Variants in NOSTRIN observed in about 807,000 individuals in gnomAD.
The protein encoded by NOSTRIN is BM247 homolog.
In NOSTRIN, 63 loss-of-function variants were observed where a neutral mutation model predicts 59.0. The ratio of observed to expected loss-of-function variants is 1.07; its 90% CI spans 0.87 to 1.32. The LOEUF (loss-of-function observed/expected upper bound fraction) is 1.32. Among genes scored for constraint, NOSTRIN ranks in the 40% most tolerant of loss-of-function variants. NOSTRIN has a pLI of 0.00. For synonymous variants in NOSTRIN, 200 were observed against 165.4 expected, an observed-to-expected ratio of 1.21 and a Z score of -1.61; for missense variants, 512 against 473.1, an observed-to-expected ratio of 1.08 and a Z score of -0.76.
intron 5 of NOSTRIN, among the ~76,000 whole-genome samples, chr2:168,828,766 C>T (rs1676616234): frequency 6.6e-6 from 1 of 152,018 alleles, no homozygotes; most frequent in South Asian, 2.1e-4. Flanking sequence ...GTGATAAATT[C>T]AAGCAATAGA....
intron 7 of NOSTRIN, among the ~76,000 whole-genome samples, 182 bp downstream of exon 7, chr2:168,834,507 G>GCACGCACACACACACACA: frequency 8.0e-6 from 1 of 125,434 alleles, no homozygotes; most frequent in East Asian, 2.4e-4. Context: ...GCGCGCGCGC[G>GCACGCACACACACACACA]CACACACACA....
intron 2 of NOSTRIN, among the ~76,000 whole-genome samples, chr2:168,821,859 C>A (rs1384107793): frequency 6.6e-6 from 1 of 152,242 alleles, no homozygotes; most frequent in Admixed American, 6.5e-5. Flanking sequence ...ATCGGAGAGG[C>A]TGCCGGAGTC....
At chr2:168,814,060 C>CT (rs1686281148) in intron 2 of NOSTRIN, among the ~76,000 whole-genome samples, 1 of 152,146 alleles carries the variant, frequency 6.6e-6, no homozygotes. Context: ...AAAGAGATGG[C>CT]ATTTGGGGAG....
chr2:168,859,657 G>C lies in NOSTRIN; in HGVS notation c.1179+20G>C. On this transcript the variant is annotated intron_variant, in intron 13 of 15. Coordinates refer to ENST00000317647, the MANE Select transcript of NOSTRIN (RefSeq NM_001039724.4). Reference sequence around the variant, plus strand: ...GAAAAGGTAACATTTAAGGAGACTGGTTGTAATTTCTTGATTGGGCCTGCT... The same window carrying C: ...GAAAAGGTAACATTTAAGGAGACTGCTTGTAATTTCTTGATTGGGCCTGCT... 1 of 1,611,936 alleles carries C rather than the reference G, an allele frequency of 6.2e-7. No individual in the cohort carries two copies. The highest frequency in any genetic ancestry group is 8.5e-7 in the Non-Finnish European group (1 of 1,179,096).
intron 15 of NOSTRIN, chr2:168,863,712 CA>C: frequency 1.1e-6 from 1 of 915,152 alleles, no homozygotes; most frequent in Non-Finnish European, 1.3e-6. Context: ...AGGGATAATG[CA>C]GAGACATTGT....
chr2:168,834,499 G>GCACA (rs1352968254), intron 7 of NOSTRIN, among the ~76,000 whole-genome samples, 174 bp downstream of exon 7: 7 of 28,570 alleles, frequency 2.5e-4, no homozygotes, highest in Admixed American at 1.4e-3. Flanking sequence ...GTGCGCGCGC[G>GCACA]CGCGCGCGCA....
In NOSTRIN at chr2:168,828,568, A is replaced by G. The variant is rs530775558; in HGVS notation, c.342+67A>G. The G allele has an allele frequency of 1.2e-4, 77 of 631,808 alleles. No individual in the cohort carries two copies. The African/African-American group carries it at 1.3e-3, about 11-fold the overall frequency. 39.1% of individuals were successfully genotyped at this position (631,808 alleles called of 1,614,324 possible). A position where few individuals can be genotyped will look rare whatever the true frequency, so the allele number is the denominator to read the frequency against. On this transcript the variant is annotated intron_variant, in intron 5 of 15. Transcript: ENST00000317647. Reference sequence around the variant, plus strand: ...ATTCCTGTGTTTAGCCCAGAAAAGGAAAAGGTGATCTGAAAGTGGTACCAA... The same window carrying G: ...ATTCCTGTGTTTAGCCCAGAAAAGGGAAAGGTGATCTGAAAGTGGTACCAA...
chr2:168,846,801 A>G (rs1474186772), intron 8 of NOSTRIN, among the ~76,000 whole-genome samples: 1 of 152,250 alleles, frequency 6.6e-6, no homozygotes. Flanking sequence ...CCCAGAACAC[A>G]GAAAATGATT....
rs757832201 is a variant in NOSTRIN, at chr2:168,864,895, G to GA, written c.1452dup (p.Gly485ArgfsTer57). The GA allele has an allele frequency of 3.5e-5, 57 of 1,613,744 alleles. No individual in the cohort carries two copies. The highest frequency in any genetic ancestry group is 4.6e-5 in the Non-Finnish European group (54 of 1,179,902). On this transcript the variant is annotated frameshift_variant, in exon 16 of 16. Transcript: ENST00000317647. LOFTEE classifies it high-confidence loss of function. ...GATGGTGGTTTGGATCTTTGAATGG[G>GA]AAAAAAGGCCATTTTCCTGCCGCTT... is the stretch of plus-strand genomic sequence containing the variant.
chr2:168,850,364 G>A (rs1453761049), intron 8 of NOSTRIN, among the ~76,000 whole-genome samples: 1 of 152,162 alleles, frequency 6.6e-6, no homozygotes, highest in Non-Finnish European at 1.5e-5. Flanking sequence ...AGCGGACTCT[G>A]ACTCCCAGGC....
chr2:168,820,497 T>C (rs1369702930), intron 2 of NOSTRIN, among the ~76,000 whole-genome samples: 2 of 152,172 alleles, frequency 1.3e-5, no homozygotes, highest in Non-Finnish European at 1.5e-5. Flanking sequence ...GACCACTGTC[T>C]GGACAGTCTC....
At chr2:168,812,548 G>A (rs1173372154) in intron 2 of NOSTRIN, among the ~76,000 whole-genome samples, 1 of 152,164 alleles carries the variant, frequency 6.6e-6, no homozygotes, top group Non-Finnish European at 1.5e-5. Flanking sequence ...ACATGGGAGA[G>A]GCCTTAGTTC....
chr2:168,854,880 T>C (rs1688984621), intron 10 of NOSTRIN, among the ~76,000 whole-genome samples: 2 of 152,314 alleles, frequency 1.3e-5, no homozygotes, highest in Non-Finnish European at 2.9e-5. Flanking sequence ...GGAAAGAGCA[T>C]ATGTGTTTTA....
At chr2:168,806,619 C>T (rs1419868986) in intron 1 of NOSTRIN, among the ~76,000 whole-genome samples, 1 of 152,022 alleles carries the variant, frequency 6.6e-6, no homozygotes, top group African/African-American at 2.4e-5. Context: ...CCAGGTATTC[C>T]ACTACCAGAC....
chr2:168,812,847 G>C (rs982106082), intron 2 of NOSTRIN, among the ~76,000 whole-genome samples: 1 of 152,118 alleles, frequency 6.6e-6, no homozygotes, highest in African/African-American at 2.4e-5. Flanking sequence ...TCAACAACCC[G>C]CAGCATTTTT....
At chr2:168,863,548 C>CTCTT (rs1419785039) in intron 15 of NOSTRIN, 6 of 985,132 alleles carry the variant, frequency 6.1e-6, no homozygotes, top group Non-Finnish European at 7.2e-6. Flanking sequence ...CTATGGAATT[C>CTCTT]TCTTTATTTG....
chr2:168,791,318 G>T (rs951922731), intron 2 of NOSTRIN, among the ~76,000 whole-genome samples: 5 of 152,164 alleles, frequency 3.3e-5, no homozygotes, highest in African/African-American at 1.2e-4. Context: ...TAAAGGACAT[G>T]AACTCATCCC....
intron 12 of NOSTRIN, among the ~76,000 whole-genome samples, chr2:168,857,035 T>G (rs1316524354): frequency 6.6e-6 from 1 of 152,196 alleles, no homozygotes; most frequent in East Asian, 1.9e-4. Flanking sequence ...AGTCGTTCTT[T>G]AAGGGCCTAG....
In NOSTRIN at chr2:168,839,921, A is replaced by ATG. The variant is rs112687215; in HGVS notation, c.505-3053_505-3052dup. ...AAAAAATATATATATATATATATATATGTGTGTGTGTGTGTGTGTATGAGT... is the reference window on the plus strand; with the variant it reads ...AAAAAATATATATATATATATATATATGTGTGTGTGTGTGTGTGTGTATGAGT... On this transcript the variant is annotated intron_variant, in intron 7 of 15. Transcript: ENST00000317647. Among the ~76,000 whole-genome samples, 10 of 78,518 alleles carry ATG rather than the reference A, an allele frequency of 1.3e-4. 1 individual carries two copies. The highest frequency in any genetic ancestry group is 1.7e-4 in the Admixed American group (1 of 5,782). 51.5% of individuals were successfully genotyped at this position (78,518 alleles called of 152,430 possible).
Sources: gnomAD v4.1 joint callset for allele counts (sites outside exome capture counted in the v4.1 genomes callset) on GRCh38, gnomAD v4.1.1 for gene constraint, MANE v1.5 for transcripts, NCBI Gene and HGNC (gene_info 2026-07-23, HGNC 2026-07-21) for gene names.